ACVR1: variants seen among roughly 807,000 people sequenced by gnomAD.
The protein encoded by ACVR1 is activin A receptor type 1, also known as activin receptor type-1.
A neutral mutation model predicts 57.1 loss-of-function variants in ACVR1; 38 were observed. The ratio of observed to expected loss-of-function variants is 0.67; its 90% CI spans 0.51 to 0.87. The LOEUF (loss-of-function observed/expected upper bound fraction) is 0.87, where lower values mean the gene tolerates loss of function less well. Ranked by LOEUF, ACVR1 falls within the 40% of genes least tolerant of loss-of-function variation. ACVR1 has a pLI of 0.00. For synonymous variants in ACVR1, 212 were observed against 228.1 expected, an observed-to-expected ratio of 0.93 and a Z score of 0.63; for missense variants, 463 against 638.2, an observed-to-expected ratio of 0.73 and a Z score of 2.96.
At chr2:157,792,173 A>G (rs1686941177) in intron 3 of ACVR1, among the ~76,000 whole-genome samples, 1 of 151,946 alleles carries the variant, frequency 6.6e-6, no homozygotes, top group Non-Finnish European at 1.5e-5. Flanking sequence ...TCATGTGCCC[A>G]AGAGGAATTT....
At chr2:157,809,901 C>A (rs549756098) in intron 2 of ACVR1, among the ~76,000 whole-genome samples, 1 of 151,900 alleles carries the variant, frequency 6.6e-6, no homozygotes, top group Non-Finnish European at 1.5e-5. Context: ...ACAGTGAGAC[C>A]CCATCTCTAC....
intron 1 of ACVR1, chr2:157,819,349 G>GT (rs1688070505): frequency 6.6e-6 from 1 of 151,960 alleles, no homozygotes; most frequent in African/African-American, 2.4e-5. Flanking sequence ...GTATGGTGGC[G>GT]TATTCCTGTA....
chr2:157,821,825 A>G (rs1688170881), intron 1 of ACVR1, among the ~76,000 whole-genome samples: 1 of 152,244 alleles, frequency 6.6e-6, no homozygotes, highest in Non-Finnish European at 1.5e-5. Flanking sequence ...TTAACATTAC[A>G]GTACAGTTTT....
intron 1 of ACVR1, among the ~76,000 whole-genome samples, chr2:157,857,480 T>C (rs949479180): frequency 2.6e-5 from 4 of 152,178 alleles, no homozygotes; most frequent in African/African-American, 9.7e-5. Flanking sequence ...AGACCAGAAT[T>C]GCACCCTGGA....
At chr2:157,808,093 A>G (rs934921277) in intron 2 of ACVR1, among the ~76,000 whole-genome samples, 6 of 152,058 alleles carry the variant, frequency 3.9e-5, no homozygotes, top group African/African-American at 1.4e-4. Context: ...CCCATAAACT[A>G]TATTATCCCA....
At chr2:157,840,693 CA>C (rs1559088342) in intron 1 of ACVR1, among the ~76,000 whole-genome samples, 1 of 152,246 alleles carries the variant, frequency 6.6e-6, no homozygotes, top group Non-Finnish European at 1.5e-5. Flanking sequence ...AGCTCCATGT[CA>C]GTGAAGCCAG....
rs115032483 is a variant in ACVR1 at position 157,791,665 on chromosome 2, T to C, written c.67+7762A>G. ...GCGAAGGAGAATATACGCAAAGACA[T>C]AGTGAAACAGAGGATGACTAACGGT... On this transcript the variant is annotated intron_variant, in intron 3 of 10. Transcript: ENST00000434821. Among the ~76,000 whole-genome samples the C allele has an allele frequency of 8.5e-3, 1,298 of 152,260 alleles. 7 individuals carry two copies. The highest frequency in any genetic ancestry group is 0.013 in the Non-Finnish European group (891 of 68,016).
rs182279150 is a variant in ACVR1 at position 157,774,426 on chromosome 2, G to A, written c.544-239C>T. ...GTTGCCCAGGCTGCAGTTCAATGGC[G>A]CAATCTGGGTTCACTGCAACCTCCA... On this transcript the variant is annotated intron_variant, in intron 5 of 10. Coordinates refer to ENST00000434821, the MANE Select transcript of ACVR1 (RefSeq NM_001111067.4). 5.3e-4 allele frequency among the ~76,000 whole-genome samples: 81 copies of A among 152,216 alleles called. 2 individuals carry two copies. The highest frequency in any genetic ancestry group is 1.7e-3 in the African/African-American group (72 of 41,538).
chr2:157,851,766 A>G (rs1689310960), intron 1 of ACVR1, among the ~76,000 whole-genome samples: 2 of 152,022 alleles, frequency 1.3e-5, no homozygotes, highest in Non-Finnish European at 2.9e-5. Context: ...ATGCAGAGCA[A>G]CTGCAGGTAA....
chr2:157,818,736 G>A (rs1418572726), intron 1 of ACVR1, among the ~76,000 whole-genome samples, 177 bp from the exon 2 acceptor site: 2 of 152,174 alleles, frequency 1.3e-5, no homozygotes, highest in African/African-American at 4.8e-5. Context: ...GGAAGAGTGT[G>A]GAGGTTATGG....
At chr2:157,794,817 T>C (rs1003481657) in intron 3 of ACVR1, among the ~76,000 whole-genome samples, 5 of 152,126 alleles carry the variant, frequency 3.3e-5, no homozygotes, top group Non-Finnish European at 7.4e-5. Context: ...GAAAAAATCT[T>C]TTATTGCCCA....
At chr2:157,861,686 A>G (rs1689723670) in intron 1 of ACVR1, among the ~76,000 whole-genome samples, 1 of 152,186 alleles carries the variant, frequency 6.6e-6, no homozygotes, top group African/African-American at 2.4e-5. Flanking sequence ...TCTAAGTTTA[A>G]ACAAATCTTT....
intron 1 of ACVR1, among the ~76,000 whole-genome samples, chr2:157,865,541 C>T (rs1689884010): frequency 6.6e-6 from 1 of 151,998 alleles, no homozygotes; most frequent in Non-Finnish European, 1.5e-5. Context: ...CCTGTAATCC[C>T]AGCACTTTGG....
At chr2:157,821,524 T>TA (rs1234079510) in intron 1 of ACVR1, among the ~76,000 whole-genome samples, 2 of 151,054 alleles carry the variant, frequency 1.3e-5, no homozygotes, top group Non-Finnish European at 2.9e-5. Context: ...AGAATTTGTC[T>TA]AAAAAAAATA....
At chr2:157,870,542 A>G (rs1322357247) in intron 1 of ACVR1, among the ~76,000 whole-genome samples, 4 of 152,220 alleles carry the variant, frequency 2.6e-5, no homozygotes, top group East Asian at 3.8e-4. Context: ...CACCTCTCAC[A>G]TAAGCATGGC....
chr2:157,789,421 G>A (rs114035309), intron 3 of ACVR1, among the ~76,000 whole-genome samples: 2,965 of 152,276 alleles, frequency 0.019, 43 homozygotes, highest in Non-Finnish European at 0.029. Context: ...AAATCCAGGC[G>A]AGAGCAACAA....
intron 1 of ACVR1, among the ~76,000 whole-genome samples, chr2:157,856,038 A>G (rs1359653120): frequency 6.6e-6 from 1 of 151,784 alleles, no homozygotes; most frequent in Non-Finnish European, 1.5e-5. Flanking sequence ...ACACCCCAAA[A>G]ACTTAAAAAA....
intron 1 of ACVR1, among the ~76,000 whole-genome samples, chr2:157,870,061 A>G (rs1690066118): frequency 6.6e-6 from 1 of 152,234 alleles, no homozygotes; most frequent in East Asian, 1.9e-4. Context: ...AATAGCTGCA[A>G]TAGTGGAAGT....
At chr2:157,782,754 T>C (rs74478593) in intron 3 of ACVR1, among the ~76,000 whole-genome samples, 3,575 of 152,288 alleles carry the variant, frequency 0.023, 161 homozygotes, top group African/African-American at 0.083. Context: ...TTGTGATCTA[T>C]GGCAGAGAAT....
Sources: gnomAD v4.1 joint callset for allele counts (sites outside exome capture counted in the v4.1 genomes callset) on GRCh38, gnomAD v4.1.1 for gene constraint, MANE v1.5 for transcripts, NCBI Gene and HGNC (gene_info 2026-07-23, HGNC 2026-07-21) for gene names.